DPF3: variants seen among roughly 807,000 people sequenced by gnomAD.
The protein encoded by DPF3 is double PHD fingers 3, also known as zinc finger protein DPF3.
In DPF3, 18 loss-of-function variants were observed where a neutral mutation model predicts 56.8. The ratio of observed to expected loss-of-function variants is 0.32; its 90% CI spans 0.22 to 0.47. The LOEUF (loss-of-function observed/expected upper bound fraction) is 0.47. DPF3 is among the 20% of genes least tolerant of loss of function. The pLI, the probability that DPF3 is intolerant of heterozygous loss-of-function variation, is 1.00. For missense variants in DPF3, 403 were observed against 488.8 expected (o/e 0.82, Z 1.65); for synonymous variants, 188 against 180.2 (o/e 1.04, Z -0.35).
chr14:72,806,713 G>T (rs1882799269), intron 1 of DPF3: 1 of 152,058 alleles, frequency 6.6e-6, no homozygotes, highest in Non-Finnish European at 1.5e-5. Flanking sequence ...GCTTTTTTAT[G>T]TCCTTCCCAC....
intron 1 of DPF3, among the ~76,000 whole-genome samples, chr14:72,779,882 C>G (rs1272039187): frequency 6.6e-6 from 1 of 152,236 alleles, no homozygotes; most frequent in Admixed American, 6.5e-5. Context: ...TGTCCCAGGA[C>G]AGAAGGCCTC....
chr14:72,756,889 G>GAAAAGAAA (rs1402276971), intron 2 of DPF3, among the ~76,000 whole-genome samples: 39 of 88,354 alleles, frequency 4.4e-4, no homozygotes, highest in Non-Finnish European at 8.2e-4. Context: ...AAGAAGGAAA[G>GAAAAGAAA]AAAGAAAGAA....
At chr14:72,783,081 C>T (rs374148234) in intron 1 of DPF3, among the ~76,000 whole-genome samples, 23 of 152,264 alleles carry the variant, frequency 1.5e-4, no homozygotes, top group Non-Finnish European at 3.1e-4. Context: ...TTTGCATATG[C>T]CATCTCCTCT....
chr14:72,726,419 A>G (rs1425457494), intron 4 of DPF3, among the ~76,000 whole-genome samples: 2 of 152,192 alleles, frequency 1.3e-5, no homozygotes, highest in Admixed American at 6.5e-5. Context: ...TGGCCTCCAT[A>G]TCTGGGAGTA....
chr14:72,782,764 CAG>C (rs1892033265), intron 1 of DPF3, among the ~76,000 whole-genome samples: 1 of 151,972 alleles, frequency 6.6e-6, no homozygotes, highest in East Asian at 1.9e-4. Flanking sequence ...ACCTGGAAGA[CAG>C]AGGTTGCAGT....
At chr14:72,854,171 A>G (rs1451052486) in intron 1 of DPF3, among the ~76,000 whole-genome samples, 1 of 152,154 alleles carries the variant, frequency 6.6e-6, no homozygotes, top group East Asian at 1.9e-4. Flanking sequence ...AGCCTGGCCA[A>G]CATGGTGAAA....
intron 7 of DPF3, among the ~76,000 whole-genome samples, chr14:72,688,130 A>T (rs1887492015): frequency 7.1e-6 from 1 of 141,284 alleles, no homozygotes; most frequent in South Asian, 2.5e-4. Context: ...GGGTGGATGG[A>T]TAGATGGACA....
At chr14:72,761,985 A>G (rs769865322) in intron 2 of DPF3, among the ~76,000 whole-genome samples, 9 of 151,858 alleles carry the variant, frequency 5.9e-5, no homozygotes, top group Non-Finnish European at 1.3e-4. Flanking sequence ...ATACTAACAA[A>G]GCTTACTCAA....
At chr14:72,669,125 G>C (rs1217925777) in intron 8 of DPF3, among the ~76,000 whole-genome samples, 1 of 152,206 alleles carries the variant, frequency 6.6e-6, no homozygotes, top group East Asian at 1.9e-4. Context: ...GAGAAAAGTG[G>C]AAGCCCTTTC....
chr14:72,875,714 T>G (rs568705682), intron 1 of DPF3, among the ~76,000 whole-genome samples: 1 of 152,252 alleles, frequency 6.6e-6, no homozygotes, highest in South Asian at 2.1e-4. Flanking sequence ...GAACGAACCC[T>G]AAGGACTTGT....
chr14:72,813,474 A>G (rs1226561788), intron 1 of DPF3, among the ~76,000 whole-genome samples: 1 of 152,210 alleles, frequency 6.6e-6, no homozygotes, highest in African/African-American at 2.4e-5. Context: ...CCAGTCAGCC[A>G]CTTCCCAGCC....
chr14:72,795,241 C>A (rs1892590102), intron 1 of DPF3, among the ~76,000 whole-genome samples: 1 of 145,172 alleles, frequency 6.9e-6, no homozygotes, highest in Non-Finnish European at 1.5e-5. Context: ...CAGTTATGTC[C>A]TAAGCCCAGG....
At chr14:72,678,713 C>T (rs557058790) in intron 7 of DPF3, among the ~76,000 whole-genome samples, 3 of 152,236 alleles carry the variant, frequency 2.0e-5, no homozygotes, top group African/African-American at 4.8e-5. Flanking sequence ...AATAAGATGA[C>T]GGGGAGGGCA....
intron 1 of DPF3, among the ~76,000 whole-genome samples, chr14:72,836,679 G>C (rs1325980665): frequency 6.6e-6 from 1 of 151,916 alleles, no homozygotes; most frequent in Non-Finnish European, 1.5e-5. Flanking sequence ...CTCGATCTGG[G>C]ACCTCAGAAG....
chr14:72,743,957 G>C (rs1044785468), intron 3 of DPF3, among the ~76,000 whole-genome samples: 5 of 152,248 alleles, frequency 3.3e-5, no homozygotes, highest in African/African-American at 1.2e-4. Flanking sequence ...TGTTGTGTGT[G>C]TTGTCCTTCA....
chr14:72,710,734 A>G (rs560974331), intron 6 of DPF3, among the ~76,000 whole-genome samples: 1 of 152,216 alleles, frequency 6.6e-6, no homozygotes, highest in Non-Finnish European at 1.5e-5. Flanking sequence ...TGTCCTATTC[A>G]GTTGCTTTTT....
In DPF3 at chr14:72,612,430, CTTTT is replaced by C. The variant is rs761333616; in HGVS notation, c.*6863_*6866del. 1 of 419,670 alleles carries C rather than the reference CTTTT, an allele frequency of 2.4e-6. No homozygotes were observed. Among genetic ancestry groups the C allele is most frequent in the Non-Finnish European group, 4.8e-6 (1 of 207,908 alleles). 26.0% of individuals were successfully genotyped at this position (419,670 alleles called of 1,614,324 possible). On this transcript the variant is annotated 3_prime_UTR_variant, in exon 11 of 11. Transcript: ENST00000556509. Reference sequence around the variant, plus strand: ...TCACATATCAGGCAGTGTTTCTGTCCTTTTTTTTTTTCTAGTACCTAATTTAGGC... The same window carrying C: ...TCACATATCAGGCAGTGTTTCTGTCCTTTTTTTCTAGTACCTAATTTAGGC...
In DPF3 at chr14:72,894,058, C is replaced by T. The variant is rs757331758; in HGVS notation, c.31G>A (p.Ala11Thr). MATVIHNPLK[A>T]LGDQFYKEAI... is the part of the protein sequence containing the mutation. ...TGTACATTTTTTAGTCTTACTTACG[C>T]TTTCAGGGGGTTGTGAATGACAGTC... is the stretch of plus-strand genomic sequence containing the variant. Residue 11 changes from alanine to threonine, a missense_variant and splice_region_variant, in exon 1 of 11, where the codon GCG becomes ACG. By Grantham distance (58) the Ala-to-Thr change is moderately conservative (BLOSUM62 0). Transcript: ENST00000556509. 6.8e-6 allele frequency: 11 copies of T among 1,610,424 alleles called. No individual in the cohort carries two copies. In the South Asian group the frequency reaches 1.0e-4, roughly 15 times the overall value.
intron 1 of DPF3, chr14:72,836,523 G>A (rs76663729): frequency 0.065 from 64,448 of 985,186 alleles, 2,371 homozygotes; most frequent in Non-Finnish European, 0.073. Flanking sequence ...CTCGTGGGGA[G>A]ATTATGATTG....
Sources: gnomAD v4.1 joint callset for allele counts (sites outside exome capture counted in the v4.1 genomes callset) on GRCh38, gnomAD v4.1.1 for gene constraint, MANE v1.5 for transcripts, NCBI Gene and HGNC (gene_info 2026-07-23, HGNC 2026-07-21) for gene names.